XXYLT1: variants seen among roughly 807,000 people sequenced by gnomAD.
XXYLT1 encodes the protein xyloside xylosyltransferase 1, also known as UDP-xylose:alpha-xyloside alpha-1,3-xylosyltransferase.
In XXYLT1, 20 loss-of-function variants were observed where a neutral mutation model predicts 28.9. The observed-to-expected ratio is 0.69, with a 90% CI of 0.49 to 1.00. The LOEUF is 1.00. Among genes scored for constraint, XXYLT1 ranks in the 50% least tolerant of loss-of-function variants. The pLI, the probability that XXYLT1 is intolerant of heterozygous loss-of-function variation, is 0.00. For synonymous variants in XXYLT1, 257 were observed against 253.8 expected, an observed-to-expected ratio of 1.01 and a Z score of -0.12; for missense variants, 542 against 560.1, an observed-to-expected ratio of 0.97 and a Z score of 0.33.
intron 3 of XXYLT1, among the ~76,000 whole-genome samples, chr3:195,088,055 T>C (rs1046825469): frequency 2.0e-5 from 3 of 151,926 alleles, no homozygotes; most frequent in Non-Finnish European, 2.9e-5. Flanking sequence ...GTCTCGCTGA[T>C]TGCCAGCACA....
At chr3:195,205,831 C>G (rs1294662119) in intron 2 of XXYLT1, among the ~76,000 whole-genome samples, 1 of 152,046 alleles carries the variant, frequency 6.6e-6, no homozygotes, top group Non-Finnish European at 1.5e-5. Flanking sequence ...CCACTGCACT[C>G]CAGCCTGGGC....
At chr3:195,253,137 CTCCTGCCCT>C (rs1725339623) in intron 1 of XXYLT1, among the ~76,000 whole-genome samples, 1 of 152,228 alleles carries the variant, frequency 6.6e-6, no homozygotes, top group Non-Finnish European at 1.5e-5. Flanking sequence ...CAAGCACTTT[CTCCTGCCCT>C]TTTCTTGGAC....
intron 1 of XXYLT1, among the ~76,000 whole-genome samples, chr3:195,230,069 A>C (rs1453130495): frequency 6.6e-6 from 1 of 152,002 alleles, no homozygotes; most frequent in Non-Finnish European, 1.5e-5. Flanking sequence ...TTGGAGAAAA[A>C]CCATTTGAAC....
At chr3:195,175,979 A>T in intron 2 of XXYLT1, 2 of 1,178,960 alleles carry the variant, frequency 1.7e-6, no homozygotes, top group Non-Finnish European at 2.2e-6. Context: ...TTACTAACAC[A>T]GAGGTCATCA....
At chr3:195,268,697 C>T (rs1051290046) in intron 1 of XXYLT1, among the ~76,000 whole-genome samples, 1 of 152,136 alleles carries the variant, frequency 6.6e-6, no homozygotes, top group Non-Finnish European at 1.5e-5. Flanking sequence ...AGACACTAAA[C>T]CCTCACCCCT....
chr3:195,167,007 A>G (rs1482401868), intron 2 of XXYLT1, among the ~76,000 whole-genome samples: 3 of 152,170 alleles, frequency 2.0e-5, no homozygotes, highest in Admixed American at 6.5e-5. Context: ...AAGTCCTTCA[A>G]TCTGGGTTTG....
At position 195,069,019 on chromosome 3, in the gene XXYLT1, G is replaced by A. The variant is rs571989300; in HGVS notation, c.*696C>T. The A allele has an allele frequency of 6.6e-6, 1 of 152,334 alleles. No individual in the cohort carries two copies. The highest frequency in any genetic ancestry group is 6.5e-5 in the Admixed American group (1 of 15,296). The allele number at this position is 152,334 out of a possible 1,614,324, so 9.4% of individuals were successfully genotyped here. On this transcript the variant is annotated 3_prime_UTR_variant, in exon 4 of 4. Transcript: ENST00000310380. ...CTGGAGCTGGTTTGGTGGAATAAAG[G>A]ACAATGGGGTTCTAGGATGTAGCTG...
intron 3 of XXYLT1, among the ~76,000 whole-genome samples, chr3:195,117,658 G>A (rs150010788): frequency 0.019 from 2,893 of 152,190 alleles, 42 homozygotes; most frequent in South Asian, 0.041. Flanking sequence ...CCTCTCTCAC[G>A]CACACATGCA....
chr3:195,169,358 C>T (rs761828020), intron 2 of XXYLT1, among the ~76,000 whole-genome samples: 1 of 152,200 alleles, frequency 6.6e-6, no homozygotes, highest in Non-Finnish European at 1.5e-5. Context: ...GGAAGGCACT[C>T]GGCATCACTT....
chr3:195,135,990 C>CA (rs1357525591), intron 3 of XXYLT1, among the ~76,000 whole-genome samples: 4 of 152,138 alleles, frequency 2.6e-5, no homozygotes, highest in Non-Finnish European at 5.9e-5. Flanking sequence ...TGGCTGGATA[C>CA]AGTTTCCACT....
Position 195,190,637 on chromosome 3 carries a change from T to C in XXYLT1, c.653-34056A>G, listed in dbSNP as rs149835662. Among the ~76,000 whole-genome samples the C allele has an allele frequency of 5.5e-3, 829 of 151,910 alleles. 5 individuals are homozygous for C. The highest frequency in any genetic ancestry group is 0.014 in the Middle Eastern group (4 of 294). Reference sequence around the variant, plus strand: ...ATGTACTAATATAAAAGATTGAATATATTTTTCTCATTTCTTAACTTTTTA... The same window carrying C: ...ATGTACTAATATAAAAGATTGAATACATTTTTCTCATTTCTTAACTTTTTA... On this transcript the variant is annotated intron_variant, in intron 2 of 3. Transcript: ENST00000310380.
intron 3 of XXYLT1, among the ~76,000 whole-genome samples, chr3:195,112,450 A>T (rs1440210417): frequency 6.6e-6 from 1 of 150,584 alleles, no homozygotes; most frequent in African/African-American, 2.4e-5. Flanking sequence ...ACGCACACCC[A>T]CACGCATGTG....
At chr3:195,155,534 C>T (rs1237228435) in intron 3 of XXYLT1, among the ~76,000 whole-genome samples, 2 of 145,686 alleles carry the variant, frequency 1.4e-5, no homozygotes, top group Admixed American at 6.8e-5. Flanking sequence ...TGTTCCTTTC[C>T]TTTTTTTTTT....
intron 3 of XXYLT1, among the ~76,000 whole-genome samples, chr3:195,135,774 G>A (rs1312536970): frequency 6.6e-6 from 1 of 152,210 alleles, no homozygotes; most frequent in Non-Finnish European, 1.5e-5. Flanking sequence ...AATCTTTGCT[G>A]TCACCTTAGA....
At chr3:195,079,190 C>A (rs1001334190) in intron 3 of XXYLT1, among the ~76,000 whole-genome samples, 1 of 152,130 alleles carries the variant, frequency 6.6e-6, no homozygotes, top group African/African-American at 2.4e-5. Flanking sequence ...TTGGAAGTGC[C>A]GCAAGAGGTG....
At chr3:195,148,880 T>C (rs554075195) in intron 3 of XXYLT1, among the ~76,000 whole-genome samples, 2 of 152,322 alleles carry the variant, frequency 1.3e-5, no homozygotes, top group African/African-American at 4.8e-5. Context: ...AAATGACATT[T>C]ACAGACGAAA....
At chr3:195,155,763 G>A (rs1720553529) in intron 3 of XXYLT1, among the ~76,000 whole-genome samples, 1 of 151,548 alleles carries the variant, frequency 6.6e-6, no homozygotes, top group South Asian at 2.1e-4. Flanking sequence ...GTTTGGTTTC[G>A]CTCTCGTCGC....
chr3:195,144,759 T>C (rs1285981325), intron 3 of XXYLT1, among the ~76,000 whole-genome samples: 1 of 152,146 alleles, frequency 6.6e-6, no homozygotes, highest in Non-Finnish European at 1.5e-5. Flanking sequence ...CAGAAGTGTG[T>C]TTCCTTGATC....
chr3:195,266,088 C>T (rs1725840859), intron 1 of XXYLT1, among the ~76,000 whole-genome samples: 1 of 152,136 alleles, frequency 6.6e-6, no homozygotes, highest in African/African-American at 2.4e-5. Context: ...AGCAAAGCGC[C>T]ATGAGAAGAA....
Sources: gnomAD v4.1 joint callset for allele counts (sites outside exome capture counted in the v4.1 genomes callset) on GRCh38, gnomAD v4.1.1 for gene constraint, MANE v1.5 for transcripts, NCBI Gene and HGNC (gene_info 2026-07-23, HGNC 2026-07-21) for gene names.